ROPN1L: variants seen among roughly 807,000 people sequenced by gnomAD.
The protein encoded by ROPN1L is rhophilin associated tail protein 1 like, also known as ropporin-1-like protein.
In ROPN1L, 23 loss-of-function variants were observed where a neutral mutation model predicts 22.7. The ratio of observed to expected loss-of-function variants is 1.01; its 90% CI spans 0.73 to 1.43. The LOEUF (loss-of-function observed/expected upper bound fraction) is 1.43, where lower values mean the gene tolerates loss of function less well. Among genes scored for constraint, ROPN1L ranks in the 40% most tolerant of loss-of-function variants. The pLI is 0.00. For missense variants in ROPN1L, 271 were observed against 291.5 expected, an observed-to-expected ratio of 0.93 and a Z score of 0.51; for synonymous variants, 116 against 117.8, an observed-to-expected ratio of 0.98 and a Z score of 0.10.
chr5:10,447,796 C>T (rs1196563649), intron 1 of ROPN1L, among the ~76,000 whole-genome samples: 2 of 151,962 alleles, frequency 1.3e-5, no homozygotes, highest in South Asian at 4.2e-4. Context: ...CGGGAGGATC[C>T]CTTGAGCTTG....
intron 2 of ROPN1L, among the ~76,000 whole-genome samples, chr5:10,449,476 G>A (rs755584116): frequency 2.6e-5 from 4 of 152,192 alleles, no homozygotes; most frequent in Non-Finnish European, 5.9e-5. Context: ...CCGAAATCAT[G>A]CCGCTGCACT....
rs533594875 is a variant in ROPN1L at position 10,462,643 on chromosome 5, C to T, written c.593+1284C>T. 4.2e-4 allele frequency among the ~76,000 whole-genome samples: 64 copies of T among 152,308 alleles called. 1 individual carries two copies. In the South Asian group the frequency reaches 0.013, roughly 30 times the overall value. The stretch of plus-strand genomic sequence containing the variant: ...GCACGGTGCCTCACGCCTGTAATCC[C>T]AGCACTTTGGGAGTCCGAGGCAGGT... On this transcript the variant is annotated intron_variant, in intron 4 of 4. Coordinates refer to ENST00000274134, the MANE Select transcript of ROPN1L (RefSeq NM_031916.5).
intron 3 of ROPN1L, 67 bp downstream of exon 3, chr5:10,450,180 G>C: frequency 7.4e-7 from 1 of 1,344,444 alleles, no homozygotes; most frequent in Non-Finnish European, 1.0e-6. Flanking sequence ...AAATAATTTA[G>C]GTTTCAGTAA....
chr5:10,452,287 A>ATGTGTGTGTG lies in ROPN1L; in HGVS notation c.417+2192_417+2201dup, dbSNP rs762971211. On this transcript the variant is annotated intron_variant, in intron 3 of 4. Coordinates refer to ENST00000274134, the MANE Select transcript of ROPN1L (RefSeq NM_031916.5). The stretch of plus-strand genomic sequence containing the variant: ...AGCCACTGCACCCAGCCTAAAGTAT[A>ATGTGTGTGTG]TGTGTGTGTGTGTGTGTGTGTGTGT... 9.5e-4 allele frequency among the ~76,000 whole-genome samples: 135 copies of ATGTGTGTGTG among 142,512 alleles called. 1 individual carries two copies. Among genetic ancestry groups the ATGTGTGTGTG allele is most frequent in the African/African-American group, 3.6e-3 (132 of 37,116 alleles). The allele number at this position is 142,512 out of a possible 152,430, so 93.5% of individuals were successfully genotyped here.
Position 10,442,201 on chromosome 5 carries a change from C to G in ROPN1L, c.34C>G (p.Gln12Glu). The change falls in exon 1 of 5, where the codon CAG becomes GAG. Residue 12 changes from glutamine to glutamate, a missense_variant. Coordinates refer to ENST00000274134, the MANE Select transcript of ROPN1L (RefSeq NM_031916.5). ...PLPDTMFCAQQIHIPPELPDI... is the reference protein window; with the variant it reads ...PLPDTMFCAQEIHIPPELPDI... ...TCCCGACACCATGTTCTGCGCTCAGCAGATCCACATTCCCCCGGAGCTGCC... is the reference window on the plus strand; with the variant it reads ...TCCCGACACCATGTTCTGCGCTCAGGAGATCCACATTCCCCCGGAGCTGCC... 12 of 1,613,824 alleles carry G rather than the reference C, an allele frequency of 7.4e-6. No individual in the cohort carries two copies. The highest frequency in any genetic ancestry group is 1.0e-5 in the Non-Finnish European group (12 of 1,179,892).
rs779387433 is a variant in ROPN1L, at chr5:10,448,389, G to T, written c.255+6G>T. On this transcript the variant is annotated splice_donor_region_variant and intron_variant, in intron 2 of 4. Coordinates refer to ENST00000274134, the MANE Select transcript of ROPN1L (RefSeq NM_031916.5). ...TGAAAGTTTTGCACAAGCAGGTATG[G>T]GGGGGCGTAGTCTCTGGCCTCAGGC... 3.7e-6 allele frequency: 6 copies of T among 1,613,904 alleles called. No individual in the cohort carries two copies. Among genetic ancestry groups the T allele is most frequent in the Non-Finnish European group, 4.2e-6 (5 of 1,180,010 alleles).
intron 3 of ROPN1L, among the ~76,000 whole-genome samples, chr5:10,456,358 T>C (rs1197425124): frequency 6.6e-6 from 1 of 152,082 alleles, no homozygotes; most frequent in Admixed American, 6.6e-5. Context: ...CATGGTGGTG[T>C]GCACCTGTAA....
intron 3 of ROPN1L, among the ~76,000 whole-genome samples, chr5:10,456,845 G>A (rs763765549): frequency 3.9e-5 from 6 of 152,126 alleles, no homozygotes; most frequent in African/African-American, 7.2e-5. Flanking sequence ...CTTAAATACC[G>A]CTTCCTCTGA....
intron 3 of ROPN1L, among the ~76,000 whole-genome samples, chr5:10,451,611 GTGGCGCAGTTCACCAGCTC>G (rs1436284211): frequency 6.6e-6 from 1 of 152,234 alleles, no homozygotes; most frequent in South Asian, 2.1e-4. Flanking sequence ...ACATCTGAGT[GTGGCGCAGTTCACCAGCTC>G]TGCAGATGGC....
downstream of ROPN1L, among the ~76,000 whole-genome samples, chr5:10,468,364 G>A (rs181474604): frequency 6.6e-5 from 10 of 152,312 alleles, no homozygotes; most frequent in Admixed American, 3.9e-4. Flanking sequence ...CTCATAAACC[G>A]GATTCCTAAT....
At chr5:10,459,380 A>G (rs1483136172) in intron 3 of ROPN1L, among the ~76,000 whole-genome samples, 5 of 150,082 alleles carry the variant, frequency 3.3e-5, no homozygotes, top group Non-Finnish European at 7.4e-5. Context: ...CTTGCCTTCC[A>G]CCCTCATCAC....
chr5:10,455,023 G>A (rs1028642553), intron 3 of ROPN1L, among the ~76,000 whole-genome samples: 3 of 152,230 alleles, frequency 2.0e-5, no homozygotes, highest in Non-Finnish European at 4.4e-5. Context: ...ACAACTCCTC[G>A]GGACGATCAT....
In ROPN1L at chr5:10,452,193, C is replaced by T. The variant is rs1741276966; in HGVS notation, c.417+2080C>T. Among the ~76,000 whole-genome samples the T allele has an allele frequency of 3.3e-5, 5 of 151,892 alleles. No homozygotes were observed. The South Asian group carries it at 1.0e-3, about 32-fold the overall frequency. On this transcript the variant is annotated intron_variant, in intron 3 of 4. Transcript: ENST00000274134. ...ATGGGGTTTCACCATGTTGGCCTGG[C>T]TGGTCTTGAACTCCTGACCTCAGGT...
intron 1 of ROPN1L, among the ~76,000 whole-genome samples, chr5:10,442,762 G>A (rs1161750348): frequency 6.6e-6 from 1 of 152,232 alleles, no homozygotes; most frequent in African/African-American, 2.4e-5. Context: ...TATTAGAACC[G>A]GAACGACCGT....
downstream of ROPN1L, among the ~76,000 whole-genome samples, chr5:10,476,429 G>A (rs1316966541): frequency 6.6e-6 from 1 of 152,228 alleles, no homozygotes; most frequent in Non-Finnish European, 1.5e-5. Flanking sequence ...AAGTAGGAAC[G>A]TGGCAGATGT....
chr5:10,450,175 A>T (rs1741210230), intron 3 of ROPN1L, 62 bp downstream of exon 3: 1 of 1,395,612 alleles, frequency 7.2e-7, no homozygotes, highest in Admixed American at 2.6e-5. Flanking sequence ...CTTAAAAATA[A>T]TTTAGGTTTC....
intron 2 of ROPN1L, among the ~76,000 whole-genome samples, chr5:10,449,036 T>C (rs1303499917): frequency 1.3e-5 from 2 of 152,282 alleles, no homozygotes; most frequent in Non-Finnish European, 2.9e-5. Context: ...ATCCCCATTC[T>C]ACACTGTGAA....
At position 10,449,910 on chromosome 5, in the gene ROPN1L, T is replaced by C. The variant is rs373429921; in HGVS notation, c.256-42T>C. 147 of 1,565,556 alleles carry C rather than the reference T, an allele frequency of 9.4e-5. No individual in the cohort carries two copies. The African/African-American group carries it at 1.8e-3, about 19-fold the overall frequency. ...TCACAGCATTCATTGTTTCCCAGGT[T>C]TTAAAACATACATAAATTGTCATGC... is the stretch of plus-strand genomic sequence containing the variant. On this transcript the variant is annotated intron_variant, in intron 2 of 4. Coordinates refer to ENST00000274134, the MANE Select transcript of ROPN1L (RefSeq NM_031916.5).
chr5:10,465,515 A>AG (rs1735138587), downstream of ROPN1L, among the ~76,000 whole-genome samples: 1 of 104,758 alleles, frequency 9.5e-6, no homozygotes, highest in African/African-American at 3.6e-5. Context: ...ACTCCGTCTC[A>AG]AAAAAAAACA....
Sources: allele counts gnomAD v4.1 joint callset (sites outside exome capture counted in the v4.1 genomes callset), GRCh38; gene constraint gnomAD v4.1.1; transcripts MANE v1.5; gene names NCBI Gene and HGNC (gene_info 2026-07-23, HGNC 2026-07-21).